The following SMOC2 variants were observed in gnomAD, a reference collection of about 807,000 sequenced individuals.
SMOC2 encodes SPARC-related modular calcium-binding protein 2.
A neutral mutation model predicts 61.4 loss-of-function variants in SMOC2; 39 were observed. The observed-to-expected ratio is 0.64, with a 90% CI of 0.49 to 0.83. The LOEUF is 0.83. Among genes scored for constraint, SMOC2 ranks in the 40% least tolerant of loss-of-function variants. The probability of loss-of-function intolerance (pLI) is 0.00; values close to 1 mark genes in which losing one functional copy is unlikely to be tolerated. For missense variants in SMOC2, 556 were observed against 592.9 expected (o/e 0.94, Z 0.65); for synonymous variants, 247 against 239.9 (o/e 1.03, Z -0.27).
At chr6:168,627,703 C>T (rs899687146) in intron 9 of SMOC2, among the ~76,000 whole-genome samples, 8 of 152,156 alleles carry the variant, frequency 5.3e-5, no homozygotes, top group African/African-American at 1.4e-4. Context: ...ACTCAGTATA[C>T]AGTAGGAGCC....
intron 1 of SMOC2, among the ~76,000 whole-genome samples, chr6:168,477,525 G>T (rs1379039335): frequency 6.6e-6 from 1 of 152,162 alleles, no homozygotes; most frequent in Non-Finnish European, 1.5e-5. Flanking sequence ...CAAGTACAGA[G>T]GAAAGTTCTG....
chr6:168,460,159 C>G (rs994340868), intron 1 of SMOC2, among the ~76,000 whole-genome samples: 1 of 152,150 alleles, frequency 6.6e-6, no homozygotes, highest in African/African-American at 2.4e-5. Context: ...TGGCTACACT[C>G]ACATCACAAT....
intron 1 of SMOC2, among the ~76,000 whole-genome samples, chr6:168,445,127 C>G (rs1781303326): frequency 1.3e-5 from 2 of 152,200 alleles, no homozygotes; most frequent in South Asian, 4.1e-4. Flanking sequence ...TGAAGGGCAC[C>G]TGGTCACTAA....
At chr6:168,658,703 T>C (rs1218787483) in intron 11 of SMOC2, among the ~76,000 whole-genome samples, 2 of 152,162 alleles carry the variant, frequency 1.3e-5, no homozygotes, top group Non-Finnish European at 2.9e-5. Context: ...CCCAGAGCTG[T>C]GATTATGGTG....
rs148344587 is a variant in SMOC2, at chr6:168,454,376, A to G, written c.84+12922A>G. 5.9e-5 allele frequency among the ~76,000 whole-genome samples: 9 copies of G among 152,114 alleles called. No homozygotes were observed. The East Asian group carries it at 1.7e-3, about 29-fold the overall frequency. ...TAACTGGGCTTTTTTTTTTGGTCAC[A>G]CATTTTCTTCACCCTTTCTTCTTTA... On this transcript the variant is annotated intron_variant, in intron 1 of 12. Coordinates refer to ENST00000356284, the MANE Select transcript of SMOC2 (RefSeq NM_001166412.2).
chr6:168,613,465 C>A (rs1785944531), intron 9 of SMOC2, among the ~76,000 whole-genome samples: 1 of 152,146 alleles, frequency 6.6e-6, no homozygotes, highest in African/African-American at 2.4e-5. Flanking sequence ...CAGAGCTCTT[C>A]CGCCTGGCAC....
chr6:168,612,630 C>T (rs560829000), intron 9 of SMOC2, among the ~76,000 whole-genome samples: 5 of 152,362 alleles, frequency 3.3e-5, no homozygotes, highest in Admixed American at 6.5e-5. Flanking sequence ...TCGTGATCTC[C>T]ATCAGTCCTC....
intron 7 of SMOC2, among the ~76,000 whole-genome samples, chr6:168,575,299 C>G (rs939177828): frequency 2.0e-5 from 3 of 152,148 alleles, no homozygotes. Flanking sequence ...TCGGATGTTT[C>G]CTGCAGAATA....
intron 9 of SMOC2, among the ~76,000 whole-genome samples, chr6:168,620,022 T>C (rs2115229675): frequency 6.6e-6 from 1 of 152,318 alleles, no homozygotes; most frequent in East Asian, 1.9e-4. Flanking sequence ...GTCACTGCCT[T>C]CAGGTCTTCA....
At chr6:168,486,754 TACAAA>T (rs112463258) in intron 1 of SMOC2, among the ~76,000 whole-genome samples, 8 of 151,968 alleles carry the variant, frequency 5.3e-5, no homozygotes, top group East Asian at 1.9e-4. Flanking sequence ...AACGGCATTT[TACAAA>T]ACAAAACAAA....
intron 7 of SMOC2, among the ~76,000 whole-genome samples, chr6:168,577,004 A>G (rs913992368): frequency 6.6e-6 from 1 of 150,986 alleles, no homozygotes; most frequent in African/African-American, 2.5e-5. Flanking sequence ...AATTCCAGCC[A>G]CTGAGTCTTG....
At chr6:168,566,106 C>T (rs550978009) in intron 7 of SMOC2, among the ~76,000 whole-genome samples, 18 of 152,288 alleles carry the variant, frequency 1.2e-4, no homozygotes, top group African/African-American at 3.4e-4. Context: ...AAAAAATCCA[C>T]GTCTTTTACG....
At chr6:168,666,324 T>C (rs1250193556) in intron 12 of SMOC2, 97 bp from the exon 13 acceptor site, 2 of 1,435,252 alleles carry the variant, frequency 1.4e-6, no homozygotes, top group Non-Finnish European at 2.0e-6. Flanking sequence ...CAGCCCTCTT[T>C]GGTTCAGTTC....
intron 8 of SMOC2, among the ~76,000 whole-genome samples, chr6:168,599,721 CACT>C (rs1484193629): frequency 1.4e-5 from 2 of 145,158 alleles, no homozygotes; most frequent in African/African-American, 5.2e-5. Context: ...CACACACAAC[CACT>C]AATACTCTCA....
rs560491073 is a variant in SMOC2, at chr6:168,618,047, C to T, written c.907+9808C>T. 3.3e-5 allele frequency among the ~76,000 whole-genome samples: 5 copies of T among 152,334 alleles called. No individual in the cohort carries two copies. In the South Asian group the frequency reaches 1.0e-3, roughly 32 times the overall value. Reference sequence around the variant, plus strand: ...TTAACCCACCCATTTATTTCCCATCCAAGAAAACGGATCTGTCCTATGGCG... The same window carrying T: ...TTAACCCACCCATTTATTTCCCATCTAAGAAAACGGATCTGTCCTATGGCG... On this transcript the variant is annotated intron_variant, in intron 9 of 12. Coordinates refer to ENST00000356284, the MANE Select transcript of SMOC2 (RefSeq NM_001166412.2).
At chr6:168,571,351 G>A (rs1017740744) in intron 7 of SMOC2, among the ~76,000 whole-genome samples, 18 of 152,302 alleles carry the variant, frequency 1.2e-4, no homozygotes, top group African/African-American at 3.1e-4. Context: ...CACCTGTGCC[G>A]CCATGCCTGT....
At chr6:168,495,315 C>T (rs1419418619) in intron 1 of SMOC2, among the ~76,000 whole-genome samples, 3 of 152,186 alleles carry the variant, frequency 2.0e-5, no homozygotes, top group Non-Finnish European at 4.4e-5. Flanking sequence ...CCCACCGTGG[C>T]AGGTGGATCT....
chr6:168,604,602 G>C (rs964666670), intron 8 of SMOC2, among the ~76,000 whole-genome samples: 10 of 152,110 alleles, frequency 6.6e-5, no homozygotes, highest in Non-Finnish European at 1.5e-4. Context: ...TTTATACCTG[G>C]GTTGGCAATT....
chr6:168,536,721 C>T (rs572783671), intron 4 of SMOC2, among the ~76,000 whole-genome samples: 1 of 152,236 alleles, frequency 6.6e-6, no homozygotes, highest in South Asian at 2.1e-4. Context: ...CTGGGCTGTG[C>T]CACCCCCTGG....
Sources: gnomAD v4.1 joint callset for allele counts (sites outside exome capture counted in the v4.1 genomes callset) on GRCh38, gnomAD v4.1.1 for gene constraint, MANE v1.5 for transcripts, NCBI Gene and HGNC (gene_info 2026-07-23, HGNC 2026-07-21) for gene names.